The following IDE variants were observed in gnomAD, a reference collection of about 807,000 sequenced individuals.
IDE encodes the protein insulin degrading enzyme.
In IDE, 58 loss-of-function variants were observed where a neutral mutation model predicts 133.2. That is an observed-to-expected ratio of 0.44 (90% CI 0.35 to 0.54). The LOEUF is 0.54. IDE is among the 20% of genes least tolerant of loss of function. The probability of loss-of-function intolerance (pLI) is 0.00; values close to 1 mark genes in which losing one functional copy is unlikely to be tolerated. For missense variants in IDE, 981 were observed against 1,234.0 expected (o/e 0.79, Z 3.07); for synonymous variants, 396 against 421.3 (o/e 0.94, Z 0.73).
intron 22 of IDE, among the ~76,000 whole-genome samples, chr10:92,457,938 T>C (rs1845117758): frequency 6.6e-6 from 1 of 152,188 alleles, no homozygotes. Flanking sequence ...TCTGCCTCTA[T>C]TAACATGTAG....
chr10:92,454,320 G>C lies in IDE; in HGVS notation c.*124C>G. 1 of 643,572 alleles carries C rather than the reference G, an allele frequency of 1.6e-6. No homozygotes were observed. Among genetic ancestry groups the C allele is most frequent in the Non-Finnish European group, 2.8e-6 (1 of 354,872 alleles). 39.9% of individuals were successfully genotyped at this position (643,572 alleles called of 1,614,324 possible). ...ATAATATTTCTACATAATGACATTT[G>C]ACAATTTTTTGTTTGTTTCTCTAAT... On this transcript the variant is annotated 3_prime_UTR_variant, in exon 25 of 25. Coordinates refer to ENST00000265986, the MANE Select transcript of IDE (RefSeq NM_004969.4).
intron 14 of IDE, among the ~76,000 whole-genome samples, chr10:92,482,032 A>C (rs1846642199): frequency 6.6e-6 from 1 of 152,252 alleles, no homozygotes; most frequent in Admixed American, 6.5e-5. Context: ...ATCTCTGCAC[A>C]GTTCTAGATA....
chr10:92,497,666 T>C, intron 11 of IDE: 1 of 947,756 alleles, frequency 1.1e-6, no homozygotes, highest in Middle Eastern at 5.5e-4. Flanking sequence ...AAGAAGGTAA[T>C]CTTACCCTTG....
intron 1 of IDE, among the ~76,000 whole-genome samples, chr10:92,554,127 C>T (rs900780937): frequency 6.6e-6 from 1 of 152,194 alleles, no homozygotes; most frequent in African/African-American, 2.4e-5. Context: ...GGATCATTCA[C>T]CTTGATCAAG....
At chr10:92,547,327 G>A (rs1448823733) in intron 1 of IDE, among the ~76,000 whole-genome samples, 1 of 151,254 alleles carries the variant, frequency 6.6e-6, no homozygotes, top group African/African-American at 2.4e-5. Context: ...CAAGCAATCT[G>A]CCCGCTTCGG....
chr10:92,512,780 T>C (rs1848698906), intron 5 of IDE, among the ~76,000 whole-genome samples: 1 of 152,114 alleles, frequency 6.6e-6, no homozygotes, highest in Non-Finnish European at 1.5e-5. Flanking sequence ...AAAGTAACAT[T>C]TGCCAATAGC....
intron 11 of IDE, among the ~76,000 whole-genome samples, chr10:92,493,821 A>G (rs1176100671): frequency 6.6e-6 from 1 of 152,198 alleles, no homozygotes; most frequent in African/African-American, 2.4e-5. Context: ...GAAATATACA[A>G]TGAAAGGGTA....
At chr10:92,549,592 G>A (rs940688317) in intron 1 of IDE, among the ~76,000 whole-genome samples, 1 of 152,116 alleles carries the variant, frequency 6.6e-6, no homozygotes, top group Non-Finnish European at 1.5e-5. Context: ...AATCTAGTAC[G>A]TAAGTGAAGG....
intron 19 of IDE, among the ~76,000 whole-genome samples, chr10:92,466,622 CTTT>C (rs369307614): frequency 2.9e-5 from 4 of 136,874 alleles, no homozygotes; most frequent in Non-Finnish European, 3.1e-5. Context: ...TGGCCCTTTT[CTTT>C]TTTTTTTTTT....
At position 92,453,540 on chromosome 10, in the gene IDE, T is replaced by G. The variant is rs1844843821; in HGVS notation, c.*904A>C. ...TTTTGGTTCACATACTGACTGCAAT[T>G]TCACTGTAATAAAAAGTTATACAGG... is the stretch of plus-strand genomic sequence containing the variant. On this transcript the variant is annotated 3_prime_UTR_variant, in exon 25 of 25. Transcript: ENST00000265986. 6.6e-6 allele frequency: 1 copy of G among 152,182 alleles called. No homozygotes were observed. Among genetic ancestry groups the G allele is most frequent in the Admixed American group, 6.5e-5 (1 of 15,274 alleles). 9.4% of individuals were successfully genotyped at this position (152,182 alleles called of 1,614,324 possible).
chr10:92,515,109 A>T, intron 4 of IDE, 67 bp from the exon 5 acceptor site: 2 of 1,222,452 alleles, frequency 1.6e-6, no homozygotes, highest in Non-Finnish European at 1.2e-6. Flanking sequence ...TTTTGTAATT[A>T]TCACTGATAT....
At chr10:92,549,151 GGGA>G (rs1842668395) in intron 1 of IDE, among the ~76,000 whole-genome samples, 1 of 151,980 alleles carries the variant, frequency 6.6e-6, no homozygotes, top group Admixed American at 6.6e-5. Flanking sequence ...CCAGCTACTC[GGGA>G]GGCTGAGGCA....
At chr10:92,541,487 T>C (rs1842302942) in intron 1 of IDE, 1 of 236,792 alleles carries the variant, frequency 4.2e-6, no homozygotes, top group South Asian at 4.5e-5. Flanking sequence ...ATACTGACAA[T>C]TTAGATGACG....
At chr10:92,514,832 A>C (rs1848814578) in intron 5 of IDE, 88 bp downstream of exon 5, 1 of 1,073,832 alleles carries the variant, frequency 9.3e-7, no homozygotes, top group Non-Finnish European at 1.4e-6. Flanking sequence ...AAGCAGCTCT[A>C]TCTTATATCC....
chr10:92,567,338 C>T (rs7082686), intron 1 of IDE, among the ~76,000 whole-genome samples: 5,396 of 152,232 alleles, frequency 0.035, 362 homozygotes, highest in African/African-American at 0.12. Context: ...AAGTCACTCA[C>T]GCTCAAGACC....
intron 11 of IDE, among the ~76,000 whole-genome samples, chr10:92,504,402 G>A (rs1485346779): frequency 6.6e-6 from 1 of 152,138 alleles, no homozygotes; most frequent in Non-Finnish European, 1.5e-5. Flanking sequence ...GAAAAAGAGG[G>A]TGCCTTCATT....
chr10:92,505,024 T>C (rs752602992), intron 10 of IDE, 127 bp from the exon 11 acceptor site: 3 of 518,682 alleles, frequency 5.8e-6, no homozygotes, highest in Admixed American at 3.8e-5. Context: ...TTTTACTCCA[T>C]TGGAAAAATT....
rs528566956 is a variant in IDE at position 92,557,461 on chromosome 10, G to C, written c.98+16461C>G. 5.3e-5 allele frequency among the ~76,000 whole-genome samples: 8 copies of C among 152,174 alleles called. No homozygotes were observed. The East Asian group carries it at 1.5e-3, about 29-fold the overall frequency. On this transcript the variant is annotated intron_variant, in intron 1 of 24. Transcript: ENST00000265986. ...TGAGGCAGGAGAATGGTGTGAACCT[G>C]AGAGGCGGAGCTTGCAGTAAGCCAA...
chr10:92,454,535 T>C lies in IDE; in HGVS notation c.2969A>G (p.Glu990Gly). Residue 990 changes from glutamate (E) to glycine (G), a missense_variant, in exon 25 of 25, where the codon GAA becomes GGA. Coordinates refer to ENST00000265986, the MANE Select transcript of IDE (RefSeq NM_004969.4). The stretch of plus-strand genomic sequence containing the variant: ...GAATTCGGTCATGTTCTGAATCACT[T>C]CAGGCTGCAAAGAAAAAAGTTTCCT... ...LSQAPALPQP[E>G]VIQNMTEFKR... The C allele has an allele frequency of 6.2e-7, 1 of 1,612,804 alleles. No homozygotes were observed. The highest frequency in any genetic ancestry group is 8.5e-7 in the Non-Finnish European group (1 of 1,178,874).
Sources: allele counts gnomAD v4.1 joint callset (sites outside exome capture counted in the v4.1 genomes callset), GRCh38; gene constraint gnomAD v4.1.1; transcripts MANE v1.5; gene names NCBI Gene and HGNC (gene_info 2026-07-23, HGNC 2026-07-21).